The following ABCC6 variants were observed in gnomAD, a reference collection of about 807,000 sequenced individuals.
The protein encoded by ABCC6 is ATP binding cassette subfamily C member 6.
Under a neutral mutation model 169.5 loss-of-function variants are expected in ABCC6, and 126 were observed. The observed-to-expected ratio is 0.74, with a 90% CI of 0.64 to 0.86. The LOEUF (loss-of-function observed/expected upper bound fraction) is 0.86. Ranked by LOEUF, ABCC6 falls within the 40% of genes least tolerant of loss-of-function variation. ABCC6 has a pLI of 0.00. For synonymous variants in ABCC6, 752 were observed against 814.7 expected (o/e 0.92, Z 1.31); for missense variants, 1,733 against 1,927.2 (o/e 0.90, Z 1.89).
At chr16:16,165,526 G>A in intron 23 of ABCC6, 97 bp downstream of exon 23, 1 of 1,361,392 alleles carries the variant, frequency 7.3e-7, no homozygotes, top group Non-Finnish European at 1.0e-6. Context: ...TAGATGTCCA[G>A]CTGGGTGAAA....
In ABCC6 at chr16:16,168,846, C is replaced by T. The variant is rs2046964940; in HGVS notation, c.2995+800G>A. On this transcript the variant is annotated intron_variant, in intron 22 of 30. Coordinates refer to ENST00000205557, the MANE Select transcript of ABCC6 (RefSeq NM_001171.6). The stretch of plus-strand genomic sequence containing the variant: ...CTGTAATCCCAACACTCTGGGAGGC[C>T]GAGGCGGGCAGATCATTTGAGGTCA... Among the ~76,000 whole-genome samples the T allele has an allele frequency of 2.0e-5, 3 of 152,010 alleles. No individual in the cohort carries two copies. The South Asian group carries it at 6.2e-4, about 32-fold the overall frequency.
rs754402001 is a variant in ABCC6, at chr16:16,163,156, A to G, written c.3343T>C (p.Leu1115=). Residue 1115 remains leucine, a synonymous_variant, in exon 24 of 31, where the codon TTG becomes CTG. Coordinates refer to ENST00000205557, the MANE Select transcript of ABCC6 (RefSeq NM_001171.6). ...YVVSSCQLRR[L]ESASYSSVCS... is the part of the protein sequence containing the mutation. ...ACAGACGAGTAGCTGGCTGACTCCA[A>G]GCGTCTCAGCTGGCATGAGCTAACC... The G allele has an allele frequency of 1.9e-6, 3 of 1,613,722 alleles. No homozygotes were observed. The highest frequency in any genetic ancestry group is 2.2e-5 in the South Asian group (2 of 91,088).
At position 16,163,140 on chromosome 16, in the gene ABCC6, T is replaced by C. The variant is rs1239945982; in HGVS notation, c.3359A>G (p.Tyr1120Cys). 2 of 1,613,622 alleles carry C rather than the reference T, an allele frequency of 1.2e-6. No homozygotes were observed. Among genetic ancestry groups the C allele is most frequent in the Admixed American group, 1.7e-5 (1 of 59,994 alleles). Residue 1120 changes from tyrosine (Y) to cysteine (C), a missense_variant, in exon 24 of 31, where the codon TAC becomes TGC. Physicochemically the swap from Tyr to Cys is radical, Grantham distance 194. Around this residue, in one of 5 missense-constraint regions of ABCC6, gnomAD observed 1,601 missense variants for 1,635.5 expected, o/e 0.98. Coordinates refer to ENST00000205557, the MANE Select transcript of ABCC6 (RefSeq NM_001171.6). Reference protein sequence around the residue: ...CQLRRLESASYSSVCSHMAET... With the variant: ...CQLRRLESASCSSVCSHMAET... Reference sequence around the variant, plus strand: ...AGCCATGTGGGAGCAGACAGACGAGTAGCTGGCTGACTCCAAGCGTCTCAG... The same window carrying C: ...AGCCATGTGGGAGCAGACAGACGAGCAGCTGGCTGACTCCAAGCGTCTCAG...
Position 16,184,953 on chromosome 16 carries a change from C to T in ABCC6, c.1943+6G>A, listed in dbSNP as rs1335697774. ...GAGGCTGGTTACTACGGGTGTCGTT[C>T]TGTACCTGTGGAGGCAGGGAGGGCT... On this transcript the variant is annotated splice_donor_region_variant and intron_variant, in intron 15 of 30. Transcript: ENST00000205557. 6.2e-7 allele frequency: 1 copy of T among 1,611,838 alleles called. No individual in the cohort carries two copies. Among genetic ancestry groups the T allele is most frequent in the African/African-American group, 1.3e-5 (1 of 74,896 alleles).
intron 28 of ABCC6, 30 bp downstream of exon 28, chr16:16,154,843 A>G (rs751796653): frequency 3.7e-6 from 6 of 1,610,758 alleles, no homozygotes; most frequent in Non-Finnish European, 2.5e-6. Context: ...CATGCCTCCC[A>G]TCTTTGCCCA....
At position 16,166,340 on chromosome 16, in the gene ABCC6, C is replaced by T. The variant is rs75553104; in HGVS notation, c.2996-407G>A. ...CTGAGATGACAGGCATGAGCCACTG[C>T]GCCTGTACCCTGCTTGTTTCTTGAT... On this transcript the variant is annotated intron_variant, in intron 22 of 30. Transcript: ENST00000205557. 4.0e-3 allele frequency among the ~76,000 whole-genome samples: 609 copies of T among 152,014 alleles called. 9 individuals carry two copies. Among genetic ancestry groups the T allele is most frequent in the African/African-American group, 0.014 (587 of 41,496 alleles).
At chr16:16,156,696 C>T (rs1018182319) in intron 27 of ABCC6, among the ~76,000 whole-genome samples, 16 of 151,836 alleles carry the variant, frequency 1.1e-4, no homozygotes, top group African/African-American at 3.6e-4. Context: ...GCCTGTAGTC[C>T]CAGCACTTTG....
chr16:16,151,863 T>A (rs1029423765), intron 29 of ABCC6, among the ~76,000 whole-genome samples: 1 of 151,952 alleles, frequency 6.6e-6, no homozygotes, highest in African/African-American at 2.4e-5. Context: ...TCCTAATGGA[T>A]CCGTCCTCGC....
chr16:16,197,978 G>A, intron 10 of ABCC6, 43 bp downstream of exon 10: 3 of 1,582,536 alleles, frequency 1.9e-6, no homozygotes, highest in Non-Finnish European at 2.6e-6. Context: ...GAAGGAGGGG[G>A]TGGGGGACTC....
intron 21 of ABCC6, 80 bp from the exon 22 acceptor site, chr16:16,169,933 C>G: frequency 7.0e-7 from 1 of 1,419,588 alleles, no homozygotes; most frequent in South Asian, 1.2e-5. Flanking sequence ...AGGCGAGGCT[C>G]CCAGAAAACA....
intron 4 of ABCC6, among the ~76,000 whole-genome samples, chr16:16,215,153 G>A (rs2048813380): frequency 6.6e-6 from 1 of 152,208 alleles, no homozygotes; most frequent in African/African-American, 2.4e-5. Flanking sequence ...AGAGATGAGA[G>A]CTGGTTTTAT....
chr16:16,205,904 T>TA (rs1438548802), intron 7 of ABCC6, among the ~76,000 whole-genome samples: 3 of 151,980 alleles, frequency 2.0e-5, no homozygotes, highest in South Asian at 4.1e-4. Context: ...CCCCTGCACA[T>TA]ACTGTTATAA....
At chr16:16,151,835 T>C (rs2046392340) in intron 29 of ABCC6, among the ~76,000 whole-genome samples, 1 of 152,130 alleles carries the variant, frequency 6.6e-6, no homozygotes, top group African/African-American at 2.4e-5. Context: ...CCAAGTCCTC[T>C]GACCCCAGAG....
At chr16:16,164,567 G>C (rs1182017055) in intron 23 of ABCC6, among the ~76,000 whole-genome samples, 1 of 152,154 alleles carries the variant, frequency 6.6e-6, no homozygotes, top group South Asian at 2.1e-4. Flanking sequence ...CTACTGAGCT[G>C]AAGAAACGTT....
intron 17 of ABCC6, 105 bp from the exon 18 acceptor site, chr16:16,179,070 A>G (rs1047960148): frequency 1.3e-5 from 17 of 1,266,854 alleles, no homozygotes; most frequent in Non-Finnish European, 1.8e-5. Context: ...AGGGTGAGGT[A>G]CAGCTCAACA....
At chr16:16,176,964 C>T (rs548485362) in intron 19 of ABCC6, among the ~76,000 whole-genome samples, 1 of 152,322 alleles carries the variant, frequency 6.6e-6, no homozygotes, top group South Asian at 2.1e-4. Context: ...ACTTCCAGAA[C>T]CTTGCCATGT....
chr16:16,177,840 G>A (rs1447255848), intron 18 of ABCC6, among the ~76,000 whole-genome samples: 1 of 152,096 alleles, frequency 6.6e-6, no homozygotes, highest in African/African-American at 2.4e-5. Flanking sequence ...CTACTTTGGA[G>A]GCTAAGGCAA....
intron 5 of ABCC6, 43 bp downstream of exon 5, chr16:16,214,281 C>T: frequency 1.9e-6 from 3 of 1,548,360 alleles, no homozygotes; most frequent in Non-Finnish European, 2.6e-6. Context: ...GAGACTGAGA[C>T]CTCAAAGTGG....
At chr16:16,162,952 T>G (rs765156150) in intron 24 of ABCC6, 41 bp downstream of exon 24, 2 of 1,612,344 alleles carry the variant, frequency 1.2e-6, no homozygotes, top group African/African-American at 2.7e-5. Context: ...TCTAAGGATA[T>G]GGATGAATTG....
Sources: allele counts gnomAD v4.1 joint callset (sites outside exome capture counted in the v4.1 genomes callset), GRCh38; gene constraint gnomAD v4.1.1; regional missense constraint gnomAD v4.1.1; transcripts MANE v1.5; gene names NCBI Gene and HGNC (gene_info 2026-07-23, HGNC 2026-07-21).